Variants in NFX1 observed in about 807,000 individuals in gnomAD.
NFX1 encodes the protein transcriptional repressor NF-X1.
Under a neutral mutation model 137.2 loss-of-function variants are expected in NFX1, and 69 were observed. The observed-to-expected ratio is 0.50, with a 90% CI of 0.41 to 0.61. The LOEUF is 0.61. Among genes scored for constraint, NFX1 ranks in the 20% least tolerant of loss-of-function variants. NFX1 has a pLI of 0.00. For synonymous variants in NFX1, 495 were observed against 474.1 expected (o/e 1.04, Z -0.57); for missense variants, 1,167 against 1,391.0 (o/e 0.84, Z 2.56).
chr9:33,357,689 G>A (rs1027793694), intron 19 of NFX1, among the ~76,000 whole-genome samples: 39 of 151,104 alleles, frequency 2.6e-4, no homozygotes, highest in African/African-American at 7.5e-4. Flanking sequence ...ACACCACTAC[G>A]CCTGGCTAAG....
chr9:33,317,973 CAAAAA>C lies in NFX1; in HGVS notation c.1589-734_1589-730del, dbSNP rs5897542. 1.1e-4 allele frequency among the ~76,000 whole-genome samples: 5 copies of C among 44,394 alleles called. No homozygotes were observed. The Admixed American group carries it at 1.2e-3, about 10-fold the overall frequency. 29.1% of individuals were successfully genotyped at this position (44,394 alleles called of 152,430 possible). A position where few individuals can be genotyped will look rare whatever the true frequency, so the allele number is the denominator to read the frequency against. ...CCTGGGCAAGAGTGAGACTCTGTCT[CAAAAA>C]AAAAAAAAAAAAAAAAAAAAAAATC... On this transcript the variant is annotated intron_variant, in intron 7 of 23. Coordinates refer to ENST00000379540, the MANE Select transcript of NFX1 (RefSeq NM_002504.6).
rs148777292 is a variant in NFX1, at chr9:33,347,048, T to A, written c.2355T>A (p.Ser785=). The A allele has an allele frequency of 6.2e-7, 1 of 1,612,938 alleles. No homozygotes were observed. The highest frequency in any genetic ancestry group is 8.5e-7 in the Non-Finnish European group (1 of 1,179,092). The part of the protein sequence containing the change: ...VHECDHPVYH[S]CHSEEKCPPC... ...TTTCTCTTTCTGCAGTATATCATTC[T>A]TGTCATAGTGAGGAGAAGTGTCCCC... Residue 785 remains serine (S), a synonymous_variant, in exon 15 of 24, where the codon TCT becomes TCA. Coordinates refer to ENST00000379540, the MANE Select transcript of NFX1 (RefSeq NM_002504.6).
At chr9:33,354,915 T>TG in intron 19 of NFX1, 23 bp downstream of exon 19, 1 of 1,613,474 alleles carries the variant, frequency 6.2e-7, no homozygotes, top group Non-Finnish European at 8.5e-7. Flanking sequence ...AGCTGCTTTT[T>TG]TAATCTCCTT....
In NFX1 at chr9:33,318,692, A is replaced by G. The variant is rs769234551; in HGVS notation, c.1589-39A>G. On this transcript the variant is annotated intron_variant, in intron 7 of 23. Coordinates refer to ENST00000379540, the MANE Select transcript of NFX1 (RefSeq NM_002504.6). ...TTTGTGACATTTTAAGAACCCATACATGTTACTAACGTTTTGTTTTTGAAA... is the reference window on the plus strand; with the variant it reads ...TTTGTGACATTTTAAGAACCCATACGTGTTACTAACGTTTTGTTTTTGAAA... 2.7e-5 allele frequency: 42 copies of G among 1,554,150 alleles called. No individual in the cohort carries two copies. The East Asian group carries it at 6.1e-4, about 22-fold the overall frequency.
intron 9 of NFX1, 110 bp from the exon 10 acceptor site, chr9:33,328,471 T>A (rs1822678673): frequency 4.1e-6 from 3 of 723,430 alleles, no homozygotes; most frequent in South Asian, 3.3e-5. Context: ...TCAACTCTGA[T>A]TCTGGAGTTG....
chr9:33,344,226 C>T (rs1322821071), intron 14 of NFX1, 38 bp downstream of exon 14: 1 of 1,611,708 alleles, frequency 6.2e-7, no homozygotes, highest in Admixed American at 1.7e-5. Flanking sequence ...AGCCTGCTCA[C>T]ACCATGTCAT....
intron 19 of NFX1, among the ~76,000 whole-genome samples, chr9:33,359,556 G>A (rs1430965183): frequency 2.6e-5 from 4 of 151,600 alleles, no homozygotes; most frequent in African/African-American, 7.3e-5. Flanking sequence ...CCGAGATGGC[G>A]CCACCACACT....
At chr9:33,352,799 C>A in intron 17 of NFX1, 80 bp downstream of exon 17, 2 of 1,204,828 alleles carry the variant, frequency 1.7e-6, no homozygotes, top group South Asian at 1.2e-5. Context: ...TAAAGCTAGT[C>A]AAGTGAAGCA....
At chr9:33,367,675 G>A in intron 23 of NFX1, 56 bp downstream of exon 23, 2 of 1,553,244 alleles carry the variant, frequency 1.3e-6, no homozygotes, top group East Asian at 4.5e-5. Flanking sequence ...AAGCTAGCAG[G>A]GGCTGAATTG....
At chr9:33,301,553 A>C (rs149258577) in intron 3 of NFX1, 132 bp downstream of exon 3, 1 of 863,898 alleles carries the variant, frequency 1.2e-6, no homozygotes. Context: ...TGTTACCTTG[A>C]TCATGTGTTT....
intron 21 of NFX1, 144 bp from the exon 22 acceptor site, chr9:33,366,485 T>C: frequency 1.1e-6 from 1 of 924,052 alleles, no homozygotes; most frequent in East Asian, 2.6e-5. Flanking sequence ...CCAGGCTTGC[T>C]TGGCAGTTAG....
chr9:33,347,211 T>C lies in NFX1; in HGVS notation c.2424+94T>C, dbSNP rs942672016. ...TAGTCTCATCGTCTGTCAAAGTAAA[T>C]ACACTCAGAAGTAGAAGCTTTCCAT... On this transcript the variant is annotated intron_variant, in intron 15 of 23. Transcript: ENST00000379540. The C allele has an allele frequency of 1.8e-5, 17 of 953,980 alleles. No homozygotes were observed. In the Admixed American group the frequency reaches 4.0e-4, roughly 22 times the overall value. 59.1% of individuals were successfully genotyped at this position (953,980 alleles called of 1,614,324 possible). A position where few individuals can be genotyped will look rare whatever the true frequency, so the allele number is the denominator to read the frequency against.
At chr9:33,367,223 T>C (rs1323415009) in intron 22 of NFX1, among the ~76,000 whole-genome samples, 1 of 152,170 alleles carries the variant, frequency 6.6e-6, no homozygotes, top group Non-Finnish European at 1.5e-5. Context: ...GAAGCAATAA[T>C]GTGACCAGGA....
At chr9:33,368,274 G>T (rs796169345) in intron 23 of NFX1, among the ~76,000 whole-genome samples, 1 of 152,078 alleles carries the variant, frequency 6.6e-6, no homozygotes, top group Admixed American at 6.5e-5. Flanking sequence ...ATGCAAGTGG[G>T]TGTGGGGGTG....
At chr9:33,306,884 A>T (rs529498453) in intron 4 of NFX1, among the ~76,000 whole-genome samples, 1 of 152,262 alleles carries the variant, frequency 6.6e-6, no homozygotes, top group Admixed American at 6.5e-5. Context: ...GTTATAGACG[A>T]CTTGTCTTAT....
In NFX1 at chr9:33,295,155, G is replaced by A; in HGVS notation, c.761G>A (p.Arg254Lys). Residue 254 changes from arginine to lysine, a missense_variant, in exon 2 of 24, where the codon AGG becomes AAG. Arg to Lys is a conservative substitution (Grantham distance 26). This residue lies in a region of NFX1 where 367 missense variants were observed against 386.7 expected (regional missense o/e 0.95). Coordinates refer to ENST00000379540, the MANE Select transcript of NFX1 (RefSeq NM_002504.6). ...KRPPWEVEGA[R>K]PRPGRNPPKQ... ...CCTCCCTGGGAAGTGGAGGGGGCCAGGCCACGACCAGGCAGAAATCCACCA... is the reference window on the plus strand; with the variant it reads ...CCTCCCTGGGAAGTGGAGGGGGCCAAGCCACGACCAGGCAGAAATCCACCA... 1 of 1,614,136 alleles carries A rather than the reference G, an allele frequency of 6.2e-7. No homozygotes were observed. Among genetic ancestry groups the A allele is most frequent in the Non-Finnish European group, 8.5e-7 (1 of 1,180,022 alleles).
intron 2 of NFX1, among the ~76,000 whole-genome samples, chr9:33,296,222 C>T (rs1421272880): frequency 6.6e-6 from 1 of 152,194 alleles, no homozygotes; most frequent in East Asian, 1.9e-4. Flanking sequence ...TGCGCCCTGC[C>T]TAAAACACAC....
In NFX1 at chr9:33,347,053, A is replaced by C. The variant is rs1418146588; in HGVS notation, c.2360A>C (p.His787Pro). ...CTTTCTGCAGTATATCATTCTTGTC[A>C]TAGTGAGGAGAAGTGTCCCCCTTGC... The part of the protein sequence containing the change: ...ECDHPVYHSC[H>P]SEEKCPPCTF... The change falls in exon 15 of 24, where the codon CAT becomes CCT. Residue 787 changes from histidine to proline, a missense_variant. His to Pro is a moderately conservative substitution (Grantham distance 77). This residue lies in a region of NFX1 where 488 missense variants were observed against 691.5 expected (regional missense o/e 0.71). Coordinates refer to ENST00000379540, the MANE Select transcript of NFX1 (RefSeq NM_002504.6). 6.2e-7 allele frequency: 1 copy of C among 1,613,228 alleles called. No individual in the cohort carries two copies. The highest frequency in any genetic ancestry group is 1.1e-5 in the South Asian group (1 of 91,000).
At chr9:33,314,073 T>G (rs1173875296) in intron 7 of NFX1, among the ~76,000 whole-genome samples, 1 of 152,050 alleles carries the variant, frequency 6.6e-6, no homozygotes, top group Non-Finnish European at 1.5e-5. Context: ...AACCTCCACC[T>G]CCCAAGTTCA....
Sources: allele counts gnomAD v4.1 joint callset (sites outside exome capture counted in the v4.1 genomes callset), GRCh38; gene constraint gnomAD v4.1.1; regional missense constraint gnomAD v4.1.1; transcripts MANE v1.5; gene names NCBI Gene and HGNC (gene_info 2026-07-23, HGNC 2026-07-21).